ZBTB20: variants seen among roughly 807,000 people sequenced by gnomAD.
The protein encoded by ZBTB20 is zinc finger and BTB domain containing 20, also known as zinc finger and BTB domain-containing protein 20.
In ZBTB20, 9 loss-of-function variants were observed where a neutral mutation model predicts 56.9. The ratio of observed to expected loss-of-function variants is 0.16; its 90% confidence interval spans 0.10 to 0.28. ZBTB20 has a LOEUF of 0.28. Among genes scored for constraint, ZBTB20 ranks in the 10% least tolerant of loss-of-function variants. The pLI is 1.00. For synonymous variants in ZBTB20, 417 were observed against 420.7 expected (o/e 0.99, Z 0.11); for missense variants, 655 against 1,003.0 (o/e 0.65, Z 4.69).
chr3:114,533,088 A>G (rs2048053411), intron 6 of ZBTB20, among the ~76,000 whole-genome samples: 1 of 152,168 alleles, frequency 6.6e-6, no homozygotes, highest in African/African-American at 2.4e-5. Flanking sequence ...TTTCTCCTCC[A>G]AAAAATCACA....
At chr3:114,682,089 A>G (rs2062010154) in intron 6 of ZBTB20, among the ~76,000 whole-genome samples, 1 of 152,172 alleles carries the variant, frequency 6.6e-6, no homozygotes, top group African/African-American at 2.4e-5. Flanking sequence ...ATTTCACAAA[A>G]AAAGGATGGT....
intron 6 of ZBTB20, among the ~76,000 whole-genome samples, chr3:114,601,319 G>A (rs893295001): frequency 2.0e-5 from 3 of 152,042 alleles, no homozygotes; most frequent in Admixed American, 1.3e-4. Context: ...CAGCCTGGGA[G>A]TCCTTAAGAC....
intron 5 of ZBTB20, among the ~76,000 whole-genome samples, chr3:114,698,134 T>G (rs1175315031): frequency 6.6e-6 from 1 of 152,104 alleles, no homozygotes; most frequent in African/African-American, 2.4e-5. Flanking sequence ...TCAAAAATAT[T>G]ATTTGAAATA....
intron 7 of ZBTB20, among the ~76,000 whole-genome samples, chr3:114,481,373 C>T (rs2109365890): frequency 6.6e-6 from 1 of 152,080 alleles, no homozygotes; most frequent in Non-Finnish European, 1.5e-5. Context: ...TTTACTAATC[C>T]AAACGAGGAT....
rs565457230 is a variant in ZBTB20 at position 114,356,874 on chromosome 3, C to T, written c.200-4996G>A. On this transcript the variant is annotated intron_variant, in intron 10 of 11. Transcript: ENST00000675478. ...GTTCCATCCACAGCAAATGACTCTGCACCACCCCACTCTCTCTTTCTATCT... is the reference window on the plus strand; with the variant it reads ...GTTCCATCCACAGCAAATGACTCTGTACCACCCCACTCTCTCTTTCTATCT... 5.3e-5 allele frequency among the ~76,000 whole-genome samples: 8 copies of T among 152,304 alleles called. No individual in the cohort carries two copies. In the South Asian group the frequency reaches 1.7e-3, roughly 32 times the overall value.
chr3:114,434,213 C>G (rs2090336955), intron 7 of ZBTB20, among the ~76,000 whole-genome samples: 1 of 152,014 alleles, frequency 6.6e-6, no homozygotes, highest in Non-Finnish European at 1.5e-5. Flanking sequence ...GGGCTTCAGT[C>G]TTCCAAATGA....
chr3:115,099,650 T>TAAACTGTAAATATGGACTTA (rs1456403307), intron 1 of ZBTB20, among the ~76,000 whole-genome samples: 1 of 152,174 alleles, frequency 6.6e-6, no homozygotes, highest in Admixed American at 6.6e-5. Context: ...TTCAAGGATT[T>TAAACTGTAAATATGGACTTA]AAACTGTAAA....
chr3:114,573,330 C>T (rs996001122), intron 6 of ZBTB20, among the ~76,000 whole-genome samples: 4 of 151,610 alleles, frequency 2.6e-5, no homozygotes, highest in South Asian at 2.1e-4. Flanking sequence ...CTTGGTGGCA[C>T]GCCCCTGTAG....
At chr3:114,619,645 T>G (rs1387048581) in intron 6 of ZBTB20, among the ~76,000 whole-genome samples, 1 of 152,144 alleles carries the variant, frequency 6.6e-6, no homozygotes, top group African/African-American at 2.4e-5. Flanking sequence ...TTGGTGCCCC[T>G]CTCCTCTGAA....
chr3:114,671,817 AAAGG>A (rs1367216537), intron 6 of ZBTB20, among the ~76,000 whole-genome samples: 36 of 152,276 alleles, frequency 2.4e-4, no homozygotes, highest in Non-Finnish European at 3.7e-4. Context: ...GCATTTGAGA[AAAGG>A]AAGGGCATGG....
At chr3:114,687,407 CTTAT>C (rs1293769833) in intron 6 of ZBTB20, 1 of 151,618 alleles carries the variant, frequency 6.6e-6, no homozygotes, top group Non-Finnish European at 1.5e-5. Context: ...TAAAATTGTC[CTTAT>C]TTGACTGCTA....
rs76035124 is a variant in ZBTB20 at position 114,439,079 on chromosome 3, C to T, written c.-254-49974G>A. 1.8e-4 allele frequency among the ~76,000 whole-genome samples: 28 copies of T among 152,226 alleles called. No individual in the cohort carries two copies. In the East Asian group the frequency reaches 3.3e-3, roughly 18 times the overall value. ...TAGATTGCAACTGCACTGGCTTCTG[C>T]GACATTTGTCACAGTCACTAATCCG... On this transcript the variant is annotated intron_variant, in intron 7 of 11. Transcript: ENST00000675478.
chr3:115,059,010 C>T (rs1247476434), intron 2 of ZBTB20, among the ~76,000 whole-genome samples: 1 of 152,098 alleles, frequency 6.6e-6, no homozygotes. Flanking sequence ...ATATATTTTT[C>T]ATCTCTAAAA....
At chr3:114,595,567 T>A (rs1270816988) in intron 6 of ZBTB20, among the ~76,000 whole-genome samples, 1 of 152,122 alleles carries the variant, frequency 6.6e-6, no homozygotes, top group East Asian at 1.9e-4. Flanking sequence ...GTTCAATGAG[T>A]CCAGGGAAGA....
intron 7 of ZBTB20, among the ~76,000 whole-genome samples, chr3:114,389,716 C>T (rs1241927502): frequency 2.0e-5 from 2 of 101,108 alleles, no homozygotes; most frequent in Non-Finnish European, 4.0e-5. Flanking sequence ...AGTGAAACCC[C>T]GTCTCTACTA....
At chr3:114,963,989 A>C (rs927835167) in intron 3 of ZBTB20, among the ~76,000 whole-genome samples, 1 of 152,206 alleles carries the variant, frequency 6.6e-6, no homozygotes, top group African/African-American at 2.4e-5. Context: ...AGTTTCTTTA[A>C]GTCCATTCAT....
At chr3:114,814,299 T>C (rs1457304955) in intron 4 of ZBTB20, among the ~76,000 whole-genome samples, 1 of 150,308 alleles carries the variant, frequency 6.7e-6, no homozygotes, top group African/African-American at 2.4e-5. Flanking sequence ...TACATAAATA[T>C]ATTTATATTG....
At chr3:115,036,060 G>C (rs2080904269) in intron 2 of ZBTB20, among the ~76,000 whole-genome samples, 2 of 152,116 alleles carry the variant, frequency 1.3e-5, no homozygotes, top group African/African-American at 4.8e-5. Flanking sequence ...GTGGTTGCCA[G>C]GTTGCTGGTG....
At chr3:114,988,016 TC>T (rs898364231) in intron 2 of ZBTB20, among the ~76,000 whole-genome samples, 2 of 151,888 alleles carry the variant, frequency 1.3e-5, no homozygotes, top group African/African-American at 4.8e-5. Context: ...CCTATCGTCT[TC>T]TTTTTTTTTC....
Sources: allele counts gnomAD v4.1 joint callset (sites outside exome capture counted in the v4.1 genomes callset), GRCh38; gene constraint gnomAD v4.1.1; transcripts MANE v1.5; gene names NCBI Gene and HGNC (gene_info 2026-07-23, HGNC 2026-07-21).